AGBL3: variants seen among roughly 807,000 people sequenced by gnomAD.
AGBL3 encodes the protein cytosolic carboxypeptidase 3.
Under a neutral mutation model 94.5 loss-of-function variants are expected in AGBL3, and 68 were observed. The ratio of observed to expected loss-of-function variants is 0.72; its 90% CI spans 0.59 to 0.88. The LOEUF (loss-of-function observed/expected upper bound fraction) is 0.88. AGBL3 is among the 40% of genes least tolerant of loss of function. The probability of loss-of-function intolerance (pLI) is 0.00; values close to 1 mark genes in which losing one functional copy is unlikely to be tolerated. For synonymous variants in AGBL3, 354 were observed against 370.7 expected (o/e 0.95, Z 0.52); for missense variants, 934 against 1,103.8 (o/e 0.85, Z 2.18).
chr7:135,073,990 A>G (rs1820220635), intron 12 of AGBL3, among the ~76,000 whole-genome samples: 1 of 152,120 alleles, frequency 6.6e-6, no homozygotes, highest in South Asian at 2.1e-4. Flanking sequence ...CATTTTGAAG[A>G]CCTAATGTAC....
chr7:135,056,737 G>A (rs1818376874), intron 11 of AGBL3, among the ~76,000 whole-genome samples: 1 of 152,110 alleles, frequency 6.6e-6, no homozygotes, highest in Non-Finnish European at 1.5e-5. Flanking sequence ...AGAAATCAAA[G>A]AGGATCTAAA....
In AGBL3 at chr7:135,034,636, T is replaced by C. The variant is rs1451607384; in HGVS notation, c.1045T>C (p.Ser349Pro). ...ILTITTPLKN[S>P]DSRKRKAVIL... is the part of the protein sequence containing the mutation. ...AACAATCACTACCCCCTTGAAGAACTCTGACTCAAGAAAGCGGAAGGCTGT... is the reference window on the plus strand; with the variant it reads ...AACAATCACTACCCCCTTGAAGAACCCTGACTCAAGAAAGCGGAAGGCTGT... Residue 349 changes from serine (S) to proline (P), a missense_variant, in exon 7 of 17, where the codon TCT (serine) becomes CCT (proline). Coordinates refer to ENST00000436302, the MANE Select transcript of AGBL3 (RefSeq NM_178563.4). The C allele has an allele frequency of 5.2e-6, 8 of 1,551,600 alleles. No homozygotes were observed. The Middle Eastern group carries it at 8.3e-4, about 162-fold the overall frequency.
At chr7:135,072,665 C>G (rs1563238166) in intron 12 of AGBL3, among the ~76,000 whole-genome samples, 1 of 148,640 alleles carries the variant, frequency 6.7e-6, no homozygotes, top group African/African-American at 2.5e-5. Flanking sequence ...ATCACAAGGA[C>G]AAAAAACCAA....
intron 16 of AGBL3, among the ~76,000 whole-genome samples, chr7:135,126,046 C>CAA (rs1827826656): frequency 6.6e-6 from 1 of 152,122 alleles, no homozygotes; most frequent in Admixed American, 6.5e-5. Flanking sequence ...CTGGCCAGGG[C>CAA]AATCAGGCAA....
At chr7:135,103,907 C>T (rs928582143) in intron 15 of AGBL3, among the ~76,000 whole-genome samples, 2 of 152,012 alleles carry the variant, frequency 1.3e-5, no homozygotes, top group East Asian at 3.8e-4. Context: ...GGATGTTCAT[C>T]ATGGTATTAT....
chr7:135,060,872 C>G (rs1264219654), intron 12 of AGBL3, among the ~76,000 whole-genome samples: 1 of 152,070 alleles, frequency 6.6e-6, no homozygotes, highest in Non-Finnish European at 1.5e-5. Context: ...AGTGCAATAT[C>G]TCTTTGACAT....
chr7:135,091,246 C>T (rs756139857), intron 15 of AGBL3, among the ~76,000 whole-genome samples: 15 of 152,140 alleles, frequency 9.9e-5, no homozygotes, highest in Non-Finnish European at 1.5e-4. Context: ...TTACTCCTCT[C>T]ATGCACTCTG....
rs565803999 is a variant in AGBL3, at chr7:135,039,589, G to T, written c.1500+2009G>T. The stretch of plus-strand genomic sequence containing the variant: ...ATCTCTACTAAAAATACAAAAATTA[G>T]CCAAGCATGGCAGTGTGTGCCTGTA... On this transcript the variant is annotated intron_variant, in intron 8 of 16. Coordinates refer to ENST00000436302, the MANE Select transcript of AGBL3 (RefSeq NM_178563.4). 2.6e-5 allele frequency among the ~76,000 whole-genome samples: 4 copies of T among 152,076 alleles called. No individual in the cohort carries two copies. In the South Asian group the frequency reaches 8.3e-4, roughly 32 times the overall value.
chr7:135,067,532 G>A lies in AGBL3; in HGVS notation c.1908+8297G>A, dbSNP rs922954044. ...ACCTCACACGGCCCGGTACTCCTCT[G>A]AGACAAAACTTCCAGAGGAACAATC... On this transcript the variant is annotated intron_variant, in intron 12 of 16. Coordinates refer to ENST00000436302, the MANE Select transcript of AGBL3 (RefSeq NM_178563.4). 2.1e-4 allele frequency among the ~76,000 whole-genome samples: 32 copies of A among 152,298 alleles called. 1 individual carries two copies. Among genetic ancestry groups the A allele is most frequent in the Admixed American group, 1.8e-3 (28 of 15,308 alleles).
At chr7:135,107,531 A>G (rs1824923067) in intron 15 of AGBL3, among the ~76,000 whole-genome samples, 2 of 152,120 alleles carry the variant, frequency 1.3e-5, no homozygotes, top group South Asian at 4.1e-4. Context: ...GTTTTGAGCA[A>G]ATTTTTTAAA....
In AGBL3 at chr7:135,134,968, C is replaced by T; in HGVS notation, c.2470C>T (p.His824Tyr). 1.3e-6 allele frequency: 2 copies of T among 1,551,140 alleles called. No homozygotes were observed. The highest frequency in any genetic ancestry group is 1.7e-6 in the Non-Finnish European group (2 of 1,146,664). ...NSSEWVQSKP[H>Y]RSLESLSPLK... Reference sequence around the variant, plus strand: ...TTCAGAATGGGTCCAGTCTAAGCCCCACAGGTCATTGGAAAGTTTATCACC... The same window carrying T: ...TTCAGAATGGGTCCAGTCTAAGCCCTACAGGTCATTGGAAAGTTTATCACC... Residue 824 changes from histidine (H) to tyrosine (Y), a missense_variant, in exon 17 of 17, where the codon CAC becomes TAC. His to Tyr is a moderately conservative substitution (Grantham distance 83, BLOSUM62 2). Around this residue, in one of 3 missense-constraint regions of AGBL3, gnomAD observed 441 missense variants for 518.2 expected, o/e 0.85. Coordinates refer to ENST00000436302, the MANE Select transcript of AGBL3 (RefSeq NM_178563.4).
chr7:135,122,903 A>C (rs1320709816), intron 16 of AGBL3, among the ~76,000 whole-genome samples: 1 of 152,210 alleles, frequency 6.6e-6, no homozygotes, highest in Non-Finnish European at 1.5e-5. Flanking sequence ...CAGCGCCTCA[A>C]AGATCAAAAC....
intron 15 of AGBL3, among the ~76,000 whole-genome samples, chr7:135,086,903 A>G (rs2116884648): frequency 6.6e-6 from 1 of 152,102 alleles, no homozygotes; most frequent in Admixed American, 6.5e-5. Flanking sequence ...AATTTTCTAA[A>G]AGAGTTTGAG....
chr7:135,073,633 C>T (rs894891111), intron 12 of AGBL3, among the ~76,000 whole-genome samples: 1 of 151,986 alleles, frequency 6.6e-6, no homozygotes, highest in Non-Finnish European at 1.5e-5. Context: ...TCTCAAGAGC[C>T]GAGCTCCCCG....
At chr7:135,009,707 T>C (rs1812864183) in intron 4 of AGBL3, among the ~76,000 whole-genome samples, 1 of 152,220 alleles carries the variant, frequency 6.6e-6, no homozygotes, top group African/African-American at 2.4e-5. Context: ...CCTGGTGGGA[T>C]TCCCAGAGGA....
In AGBL3 at chr7:135,092,907, T is replaced by A. The variant is rs1032702310; in HGVS notation, c.2110+11117T>A. On this transcript the variant is annotated intron_variant, in intron 15 of 16. Transcript: ENST00000436302. ...TAAACAATATAATATACCATGTTAA[T>A]AGAATATAAAGAAAAAGGCACATGG... 5 of 151,850 alleles carry A rather than the reference T, an allele frequency of 3.3e-5. No individual in the cohort carries two copies. The South Asian group carries it at 1.0e-3, about 32-fold the overall frequency. 9.4% of individuals were successfully genotyped at this position (151,850 alleles called of 1,614,324 possible).
At chr7:135,038,977 T>C (rs1816578007) in intron 8 of AGBL3, among the ~76,000 whole-genome samples, 2 of 152,038 alleles carry the variant, frequency 1.3e-5, no homozygotes, top group South Asian at 2.1e-4. Context: ...AAAAAAACTT[T>C]TTGTGAAAAT....
chr7:135,128,342 A>G, intron 16 of AGBL3: 1 of 326,490 alleles, frequency 3.1e-6, no homozygotes, highest in East Asian at 5.5e-5. Flanking sequence ...ACAAAACAAC[A>G]AGGCATTTGT....
intron 3 of AGBL3, 63 bp downstream of exon 3, chr7:134,989,373 G>A (rs1809922956): frequency 3.4e-6 from 4 of 1,163,044 alleles, no homozygotes; most frequent in Admixed American, 2.8e-5. Context: ...AAAAGAAGAT[G>A]AGGAAACTAA....
Sources: allele counts gnomAD v4.1 joint callset (sites outside exome capture counted in the v4.1 genomes callset), GRCh38; gene constraint gnomAD v4.1.1; regional missense constraint gnomAD v4.1.1; transcripts MANE v1.5; gene names NCBI Gene and HGNC (gene_info 2026-07-23, HGNC 2026-07-21).